RPS24: variants seen among roughly 807,000 people sequenced by gnomAD.
The protein encoded by RPS24 is small ribosomal subunit protein eS24.
For missense variants in RPS24, 100 were observed against 162.5 expected (o/e 0.62, Z 2.09); for synonymous variants, 72 against 55.6 (o/e 1.30, Z -1.31).
At chr10:78,047,438 T>A (rs1270210831) in intron 4 of RPS24, among the ~76,000 whole-genome samples, 1 of 152,074 alleles carries the variant, frequency 6.6e-6, no homozygotes. Context: ...AATAAAGACG[T>A]GTGATGCACT....
exon 5 of RPS24, chr10:78,054,940 C>G: frequency 6.7e-7 from 1 of 1,498,988 alleles, no homozygotes; most frequent in Non-Finnish European, 8.9e-7. Flanking sequence ...TCTTTTGGCC[C>G]TTTCTTTGAA....
At position 78,053,268 on chromosome 10, in the gene RPS24, T is replaced by A. The variant is rs558998288; in HGVS notation, c.391-1263T>A. ...TGGGAAGCAGCAAGCTTCCTGTTGC[T>A]GGTGGTACACAAGCAGAGCCTGGCT... On this transcript the variant is annotated intron_variant, in intron 4 of 4. Coordinates refer to the RPS24 transcript ENST00000440692. Among the ~76,000 whole-genome samples the A allele has an allele frequency of 1.9e-3, 288 of 151,936 alleles. 2 individuals are homozygous for A. The highest frequency in any genetic ancestry group is 6.7e-3 in the African/African-American group (278 of 41,436).
chr10:78,040,617 G>C lies in RPS24; in HGVS notation c.*22G>C, dbSNP rs139835535. On this transcript the variant is annotated splice_region_variant and 3_prime_UTR_variant, in exon 6 of 6. Transcript: ENST00000372360. ...AACTTCTTTCTCTTGATTCACAGCC[G>C]AAGGAGTAAAGGTGCTGCAATGATG... The C allele has an allele frequency of 2.5e-6, 4 of 1,613,200 alleles. No individual in the cohort carries two copies. In the African/African-American group the frequency reaches 5.3e-5, roughly 21 times the overall value.
At chr10:78,052,150 T>G (rs2131994172) in intron 4 of RPS24, among the ~76,000 whole-genome samples, 1 of 152,138 alleles carries the variant, frequency 6.6e-6, no homozygotes, top group Admixed American at 6.5e-5. Context: ...CTCAGCCTCC[T>G]GAGTAGCTGG....
At position 78,035,441 on chromosome 10, in the gene RPS24, T is replaced by C. The variant is rs750625648; in HGVS notation, c.69+24T>C. The C allele has an allele frequency of 6.2e-6, 10 of 1,613,530 alleles. No individual in the cohort carries two copies. The African/African-American group carries it at 1.2e-4, about 19-fold the overall frequency. ...TGGTAAGGAAGGGCACATCAATCTT[T>C]GCTTAATTGTCCTTTACTCTAAAGA... On this transcript the variant is annotated intron_variant, in intron 2 of 5. Transcript: ENST00000372360.
chr10:78,035,954 C>T, intron 3 of RPS24: 1 of 530,250 alleles, frequency 1.9e-6, no homozygotes, highest in South Asian at 2.0e-5. Context: ...TGGAGATGGG[C>T]TAGGGGTAAG....
At chr10:78,038,019 C>T in intron 4 of RPS24, 1 of 1,243,454 alleles carries the variant, frequency 8.0e-7, no homozygotes, top group Non-Finnish European at 1.1e-6. Context: ...GGATGCATCA[C>T]CTTCACTGAG....
chr10:78,053,186 C>CAAA (rs57899265), intron 4 of RPS24, among the ~76,000 whole-genome samples: 11 of 140,976 alleles, frequency 7.8e-5, no homozygotes, highest in East Asian at 2.1e-4. Flanking sequence ...ACAACAACAA[C>CAAA]AAAAAAAAAA....
At chr10:78,042,350 T>A (rs1169536011), downstream of RPS24, among the ~76,000 whole-genome samples, 1 of 152,242 alleles carries the variant, frequency 6.6e-6, no homozygotes, top group Non-Finnish European at 1.5e-5. Flanking sequence ...AGTCACCTGG[T>A]ACCTTGTTAG....
Position 78,035,384 on chromosome 10 carries a change from C to A in RPS24, c.36C>A (p.Phe12Leu). The A allele has an allele frequency of 1.2e-6, 2 of 1,614,176 alleles. No homozygotes were observed. The highest frequency in any genetic ancestry group is 1.3e-5 in the African/African-American group (1 of 75,040). ...CCGTAACTATCCGCACTAGAAAGTT[C>A]ATGACCAACCGACTACTTCAGAGGA... is the stretch of plus-strand genomic sequence containing the variant. The part of the protein sequence containing the change: ...NDTVTIRTRK[F>L]MTNRLLQRKQ... The change falls in exon 2 of 6, where the codon TTC becomes TTA. Residue 12 changes from phenylalanine (F) to leucine (L), a missense_variant. Physicochemically the swap from Phe to Leu is conservative, Grantham distance 22. Coordinates refer to ENST00000372360, the MANE Select transcript of RPS24 (RefSeq NM_033022.4).
downstream of RPS24, among the ~76,000 whole-genome samples, chr10:78,042,532 T>G (rs1847997322): frequency 6.6e-6 from 1 of 152,224 alleles, no homozygotes; most frequent in African/African-American, 2.4e-5. Context: ...GTGGACAGAT[T>G]CAGCACATTG....
Position 78,054,568 on chromosome 10 carries a change from G to A in RPS24, c.428G>A (p.Arg143Lys), listed in dbSNP as rs1848131670. The change falls in exon 5 of 5, where the codon AGA (arginine) becomes AAA (lysine). Residue 143 changes from arginine to lysine, a missense_variant. By Grantham distance (26) the Arg-to-Lys change is conservative (BLOSUM62 2). Transcript: ENST00000440692. Reference sequence around the variant, plus strand: ...GGGCTTGGAGTGCAAGCATTGGGAAGAATTTCCCAGGAAGAGAGATGCACA... The same window carrying A: ...GGGCTTGGAGTGCAAGCATTGGGAAAAATTTCCCAGGAAGAGAGATGCACA... 6.5e-7 allele frequency: 1 copy of A among 1,547,650 alleles called. No individual in the cohort carries two copies. Among genetic ancestry groups the A allele is most frequent in the Middle Eastern group, 1.7e-4 (1 of 5,970 alleles).
chr10:78,037,513 T>G (rs779158065), intron 4 of RPS24: 1 of 704,428 alleles, frequency 1.4e-6, no homozygotes, highest in Non-Finnish European at 2.2e-6. Flanking sequence ...CCACCCCTTG[T>G]CAGCTCACAG....
At chr10:78,036,191 C>T (rs1413688861) in intron 3 of RPS24, 1 of 199,710 alleles carries the variant, frequency 5.0e-6, no homozygotes, top group Non-Finnish European at 1.0e-5. Context: ...AGCATCATCA[C>T]CTCGAAGTGC....
At chr10:78,036,288 A>ATG (rs1201269771) in intron 3 of RPS24, 2 of 165,414 alleles carry the variant, frequency 1.2e-5, no homozygotes, top group African/African-American at 4.8e-5. Flanking sequence ...AATCCTGGTG[A>ATG]TGTCATAGGT....
intron 4 of RPS24, chr10:78,039,872 G>C (rs991976645): frequency 4.9e-6 from 2 of 406,190 alleles, no homozygotes; most frequent in South Asian, 4.4e-5. Flanking sequence ...AGAGCAGAGG[G>C]GCAGAGGCTC....
rs201639485 is a variant in RPS24, at chr10:78,040,190, C to G, written c.391-14C>G. 17 of 1,612,946 alleles carry G rather than the reference C, an allele frequency of 1.1e-5. No homozygotes were observed. Among genetic ancestry groups the G allele is most frequent in the Non-Finnish European group, 1.4e-5 (17 of 1,179,084 alleles). On this transcript the variant is annotated splice_polypyrimidine_tract_variant and intron_variant, in intron 4 of 5. Coordinates refer to ENST00000372360, the MANE Select transcript of RPS24 (RefSeq NM_033022.4). Reference sequence around the variant, plus strand: ...CCCTCCTTTCTCTTTTTCCCTTCCCCGCCACTGATTCAGTGAGCTGGAGAT... The same window carrying G: ...CCCTCCTTTCTCTTTTTCCCTTCCCGGCCACTGATTCAGTGAGCTGGAGAT...
downstream of RPS24, among the ~76,000 whole-genome samples, chr10:78,044,205 A>C (rs145178763): frequency 2.6e-5 from 4 of 152,326 alleles, no homozygotes; most frequent in African/African-American, 9.6e-5. Context: ...CTGTAACACC[A>C]GCAGTGGCAA....
At chr10:78,053,412 T>G (rs1483122122) in intron 4 of RPS24, among the ~76,000 whole-genome samples, 2 of 152,146 alleles carry the variant, frequency 1.3e-5, no homozygotes, top group Non-Finnish European at 2.9e-5. Context: ...AGGGACTTCC[T>G]GTCCACGCAG....
Sources: allele counts gnomAD v4.1 joint callset (sites outside exome capture counted in the v4.1 genomes callset), GRCh38; gene constraint gnomAD v4.1.1; transcripts MANE v1.5; gene names NCBI Gene and HGNC (gene_info 2026-07-23, HGNC 2026-07-21).